Variants in NRG4 observed in about 807,000 individuals in gnomAD.
NRG4 encodes neuregulin 4.
In NRG4, 10 loss-of-function variants were observed where a neutral mutation model predicts 15.0. That is an observed-to-expected ratio of 0.67 (90% CI 0.41 to 1.13). The LOEUF is 1.13. Among genes scored for constraint, NRG4 ranks in the 50% most tolerant of loss-of-function variants. NRG4 has a pLI of 0.00. For missense variants in NRG4, 139 were observed against 140.2 expected (o/e 0.99, Z 0.04); for synonymous variants, 41 against 50.1 (o/e 0.82, Z 0.77).
chr15:75,940,371 G>A (rs2030820574), downstream of NRG4: 1 of 151,608 alleles, frequency 6.6e-6, no homozygotes, highest in African/African-American at 2.4e-5. Flanking sequence ...TCATGTTCAT[G>A]GATTGGAAAA....
At chr15:76,048,061 G>A (rs2035913969) in intron 4 of NRG4, among the ~76,000 whole-genome samples, 1 of 150,274 alleles carries the variant, frequency 6.7e-6, no homozygotes, top group Non-Finnish European at 1.5e-5. Context: ...CAGAGGCTGA[G>A]GTGGGAGGAT....
intron 3 of NRG4, among the ~76,000 whole-genome samples, chr15:76,007,423 C>A (rs899076635): frequency 3.3e-5 from 5 of 150,338 alleles, no homozygotes; most frequent in African/African-American, 4.9e-5. Flanking sequence ...AATTATTAAA[C>A]GCACTTTTTT....
At chr15:75,960,453 G>A (rs1037650179) in intron 4 of NRG4, among the ~76,000 whole-genome samples, 1 of 152,126 alleles carries the variant, frequency 6.6e-6, no homozygotes, top group Admixed American at 6.5e-5. Context: ...TCTTTTGCTT[G>A]GGCTCTCTGT....
chr15:76,006,537 A>G (rs1567106308), intron 3 of NRG4, among the ~76,000 whole-genome samples: 1 of 151,666 alleles, frequency 6.6e-6, no homozygotes, highest in Non-Finnish European at 1.5e-5. Flanking sequence ...ACTTCCTTCC[A>G]GGGTGTTTAG....
intron 3 of NRG4, among the ~76,000 whole-genome samples, chr15:75,988,852 C>T (rs1050093020): frequency 1.5e-5 from 2 of 134,286 alleles, no homozygotes; most frequent in Non-Finnish European, 3.2e-5. Flanking sequence ...CCTGCACCTT[C>T]CTTTTTTTTT....
At chr15:76,058,134 G>C (rs1239060216) in intron 1 of NRG4, among the ~76,000 whole-genome samples, 3 of 152,200 alleles carry the variant, frequency 2.0e-5, no homozygotes, top group African/African-American at 7.2e-5. Flanking sequence ...CTATGCCAAA[G>C]CTTTTTCTAA....
rs1255653806 is a variant in NRG4, at chr15:75,943,575, G to C, written c.*63C>G. ...ATTAGATTTTTAATTCTTTTACCTA[G>C]TGGTGTTTCATTTTCTGCCTTTGTA... On this transcript the variant is annotated 3_prime_UTR_variant, in exon 6 of 6. Coordinates refer to ENST00000394907, the MANE Select transcript of NRG4 (RefSeq NM_138573.4). The C allele has an allele frequency of 1.7e-5, 16 of 952,712 alleles. No homozygotes were observed. The highest frequency in any genetic ancestry group is 2.7e-5 in the Non-Finnish European group (16 of 587,746). 59.0% of individuals were successfully genotyped at this position (952,712 alleles called of 1,614,324 possible).
intron 4 of NRG4, among the ~76,000 whole-genome samples, chr15:76,044,270 G>C (rs757618885): frequency 6.4e-4 from 97 of 150,526 alleles, no homozygotes; most frequent in Non-Finnish European, 9.0e-4. Context: ...CCAAAGTGCT[G>C]GGATTACAGG....
At chr15:75,973,257 T>G (rs1026609751) in intron 3 of NRG4, among the ~76,000 whole-genome samples, 1 of 152,206 alleles carries the variant, frequency 6.6e-6, no homozygotes, top group African/African-American at 2.4e-5. Context: ...TTTTTCAGCT[T>G]AAGGAGATTT....
At chr15:75,975,826 G>T (rs1217874326) in intron 3 of NRG4, among the ~76,000 whole-genome samples, 1 of 151,994 alleles carries the variant, frequency 6.6e-6, no homozygotes, top group Non-Finnish European at 1.5e-5. Flanking sequence ...TGACAATTAT[G>T]TGTCTTGGGG....
chr15:75,964,544 T>C (rs575965302), intron 3 of NRG4, among the ~76,000 whole-genome samples: 9 of 152,272 alleles, frequency 5.9e-5, no homozygotes, highest in Admixed American at 2.6e-4. Flanking sequence ...TGAAACGAGA[T>C]AGTATAATTA....
intron 4 of NRG4, among the ~76,000 whole-genome samples, chr15:75,958,297 C>A (rs2032344337): frequency 6.6e-6 from 1 of 152,204 alleles, no homozygotes; most frequent in African/African-American, 2.4e-5. Flanking sequence ...CAGGCATCAG[C>A]CACCGTGCCC....
At chr15:76,037,475 T>C (rs542552122) in intron 4 of NRG4, among the ~76,000 whole-genome samples, 1 of 152,288 alleles carries the variant, frequency 6.6e-6, no homozygotes, top group South Asian at 2.1e-4. Context: ...TGAACTTAGC[T>C]GACACCCATC....
chr15:75,986,320 C>G (rs1450705022), intron 3 of NRG4, among the ~76,000 whole-genome samples: 1 of 152,116 alleles, frequency 6.6e-6, no homozygotes. Flanking sequence ...TTTGACCCAG[C>G]CAAATTCTTG....
chr15:75,969,073 CA>C, intron 3 of NRG4: 2 of 387,808 alleles, frequency 5.2e-6, no homozygotes, highest in Non-Finnish European at 1.0e-5. Flanking sequence ...CTTAAATCAC[CA>C]GACACTCAAT....
chr15:75,957,104 C>CTTTT (rs1348321251), intron 4 of NRG4, among the ~76,000 whole-genome samples: 4 of 152,104 alleles, frequency 2.6e-5, no homozygotes, highest in Non-Finnish European at 5.9e-5. Context: ...CCTTAGTACA[C>CTTTT]TTTAAGCTTA....
chr15:76,019,115 G>A (rs945319978), intron 5 of NRG4, among the ~76,000 whole-genome samples: 11 of 152,074 alleles, frequency 7.2e-5, no homozygotes, highest in African/African-American at 1.9e-4. Flanking sequence ...ACTTCCAGGC[G>A]GCTTTGTTTA....
At chr15:76,013,289 T>G (rs2034875015), upstream of NRG4, among the ~76,000 whole-genome samples, 1 of 151,826 alleles carries the variant, frequency 6.6e-6, no homozygotes, top group Admixed American at 6.6e-5. Context: ...ATTGCACCAC[T>G]GCACTCCAGC....
chr15:75,957,240 C>T (rs1023814761), intron 4 of NRG4, among the ~76,000 whole-genome samples: 1 of 152,156 alleles, frequency 6.6e-6, no homozygotes, highest in African/African-American at 2.4e-5. Flanking sequence ...ACTTCACACA[C>T]GCCGTATAGG....
Sources: gnomAD v4.1 joint callset for allele counts (sites outside exome capture counted in the v4.1 genomes callset) on GRCh38, gnomAD v4.1.1 for gene constraint, MANE v1.5 for transcripts, NCBI Gene and HGNC (gene_info 2026-07-23, HGNC 2026-07-21) for gene names.